Variants in EDA observed in about 807,000 individuals in gnomAD.
The protein encoded by EDA is ectodysplasin A, also known as ectodysplasin-A.
In EDA, 2 loss-of-function variants were observed where a neutral mutation model predicts 23.6. The observed-to-expected ratio is 0.08, with a 90% CI of 0.03 to 0.27. EDA has a LOEUF of 0.27. Among genes scored for constraint, EDA ranks in the 10% least tolerant of loss-of-function variants. The probability of loss-of-function intolerance (pLI) is 1.00; values close to 1 mark genes in which losing one functional copy is unlikely to be tolerated. For synonymous variants in EDA, 131 were observed against 132.0 expected (o/e 0.99, Z 0.05); for missense variants, 229 against 324.2 (o/e 0.71, Z 2.26).
chrX:69,824,544 A>G (rs1251094223), intron 1 of EDA, among the ~76,000 whole-genome samples: 3 of 109,001 alleles, frequency 2.8e-5, no homozygotes, highest in African/African-American at 1.0e-4. Flanking sequence ...TTGTACATTG[A>G]TTTTGTATCC....
chrX:69,816,733 C>T (rs944949022), intron 1 of EDA, among the ~76,000 whole-genome samples: 9 of 109,761 alleles, frequency 8.2e-5, no homozygotes, highest in African/African-American at 3.0e-4. Context: ...GATTGGGGTA[C>T]CTGAAAGAGA....
chrX:69,839,008 T>C (rs755164154), intron 1 of EDA, among the ~76,000 whole-genome samples: 1 of 112,262 alleles, frequency 8.9e-6, no homozygotes, highest in Non-Finnish European at 1.9e-5. Flanking sequence ...TATAGGCAGA[T>C]ATAGAAAATG....
At chrX:69,995,008 A>G (rs1276157904) in intron 2 of EDA, among the ~76,000 whole-genome samples, 1 of 112,298 alleles carries the variant, frequency 8.9e-6, no homozygotes, top group Non-Finnish European at 1.9e-5. Context: ...ACTAGACCAG[A>G]ACTTGGTTAG....
chrX:69,947,952 A>T (rs2147404832), intron 1 of EDA, among the ~76,000 whole-genome samples: 1 of 112,144 alleles, frequency 8.9e-6, no homozygotes, highest in South Asian at 3.8e-4. Flanking sequence ...TGTTTCTAAT[A>T]ACTCATCTTT....
At chrX:69,712,822 C>T (rs1222838815) in intron 1 of EDA, among the ~76,000 whole-genome samples, 1 of 111,144 alleles carries the variant, frequency 9.0e-6, no homozygotes, top group African/African-American at 3.3e-5. Context: ...AAATGTCCAA[C>T]AATGATAGAC....
intron 1 of EDA, among the ~76,000 whole-genome samples, chrX:69,734,951 A>G (rs2013195224): frequency 9.0e-6 from 1 of 111,453 alleles, no homozygotes; most frequent in Admixed American, 9.5e-5. Context: ...ACCATTATGG[A>G]AAACAGGAAG....
At chrX:69,702,468 G>A (rs774114102) in intron 1 of EDA, among the ~76,000 whole-genome samples, 1 of 110,734 alleles carries the variant, frequency 9.0e-6, no homozygotes, top group South Asian at 3.9e-4. Flanking sequence ...ACTGCTGATT[G>A]GGAAGATGGT....
intron 7 of EDA, among the ~76,000 whole-genome samples, chrX:70,034,815 C>T: frequency 8.9e-6 from 1 of 111,992 alleles, no homozygotes; most frequent in East Asian, 2.8e-4. Flanking sequence ...CACTGTGAAT[C>T]AGTGAGGGGA....
chrX:70,007,547 G>A (rs1300225291), intron 2 of EDA, among the ~76,000 whole-genome samples: 1 of 111,369 alleles, frequency 9.0e-6, no homozygotes, highest in African/African-American at 3.3e-5. Context: ...AGTTTCCTGA[G>A]GCCTCCCCAA....
At chrX:69,710,776 G>T (rs1157614496) in intron 1 of EDA, among the ~76,000 whole-genome samples, 3 of 111,344 alleles carry the variant, frequency 2.7e-5, no homozygotes, top group Non-Finnish European at 5.6e-5. Context: ...GTTCACTCAT[G>T]ATTTGGCTCT....
intron 1 of EDA, among the ~76,000 whole-genome samples, chrX:69,734,384 C>T (rs1007484481): frequency 2.7e-5 from 3 of 111,679 alleles, no homozygotes; most frequent in African/African-American, 9.7e-5. Context: ...ATAGGACCAG[C>T]TTGTGATTTG....
intron 2 of EDA, chrX:70,022,710 A>G (rs2020053018): frequency 8.8e-6 from 1 of 113,325 alleles, no homozygotes; most frequent in Non-Finnish European, 1.9e-5. Flanking sequence ...AGAGTGTATT[A>G]TGGTCAAACT....
At chrX:69,857,221 A>G (rs1482005067) in intron 1 of EDA, among the ~76,000 whole-genome samples, 1 of 111,843 alleles carries the variant, frequency 8.9e-6, no homozygotes, top group Non-Finnish European at 1.9e-5. Flanking sequence ...ATTCTGTTCC[A>G]TTAATCTATG....
At chrX:69,797,754 A>G (rs2015577054) in intron 1 of EDA, among the ~76,000 whole-genome samples, 1 of 112,010 alleles carries the variant, frequency 8.9e-6, no homozygotes, top group Non-Finnish European at 1.9e-5. Context: ...AAAGAAAGGA[A>G]CAAAGGATAT....
At chrX:69,843,883 G>A (rs891440449) in intron 1 of EDA, among the ~76,000 whole-genome samples, 5 of 109,292 alleles carry the variant, frequency 4.6e-5, no homozygotes, top group Non-Finnish European at 9.5e-5. Context: ...TTAGCCGAGC[G>A]TGGTGGCGGG....
At chrX:69,982,872 T>A in intron 2 of EDA, among the ~76,000 whole-genome samples, 1 of 70,381 alleles carries the variant, frequency 1.4e-5, no homozygotes, top group South Asian at 9.1e-4. Context: ...AAGTCTCCCA[T>A]TATTAATGTG....
At chrX:69,758,122 C>G (rs1279097189) in intron 1 of EDA, among the ~76,000 whole-genome samples, 1 of 112,401 alleles carries the variant, frequency 8.9e-6, no homozygotes, top group African/African-American at 3.2e-5. Context: ...TCCTCCAGTT[C>G]TACTACTACA....
At position 70,033,511 on chromosome X, in the gene EDA, A is replaced by G; in HGVS notation, c.907A>G (p.Ile303Val). 1 of 1,211,099 alleles carries G rather than the reference A, an allele frequency of 8.3e-7. No homozygotes were observed. ...LEVLVDGTYFIYSQVEVYYIN... is the reference protein window; with the variant it reads ...LEVLVDGTYFVYSQVEVYYIN... The stretch of plus-strand genomic sequence containing the variant: ...GGTACTGGTGGACGGCACCTACTTC[A>G]TCTATAGTCAGGTAGAAGTGAGTAC... Residue 303 changes from isoleucine to valine, a missense_variant, in exon 7 of 8, where the codon ATC becomes GTC. Ile to Val is a conservative substitution (Grantham distance 29). This residue lies in a region of EDA where 175 missense variants were observed against 281.8 expected (regional missense o/e 0.62). Coordinates refer to ENST00000374552, the MANE Select transcript of EDA (RefSeq NM_001399.5).
intron 1 of EDA, among the ~76,000 whole-genome samples, chrX:69,641,842 G>A (rs1932842836): frequency 9.0e-6 from 1 of 111,689 alleles, no homozygotes; most frequent in Non-Finnish European, 1.9e-5. Flanking sequence ...TAAACTGCAT[G>A]GCTTTGAATT....
Sources: allele counts gnomAD v4.1 joint callset (sites outside exome capture counted in the v4.1 genomes callset), GRCh38; gene constraint gnomAD v4.1.1; regional missense constraint gnomAD v4.1.1; transcripts MANE v1.5; gene names NCBI Gene and HGNC (gene_info 2026-07-23, HGNC 2026-07-21).